NEGR1: variants seen among roughly 807,000 people sequenced by gnomAD.
The protein encoded by NEGR1 is neuronal growth regulator 1, also known as IgLON family member 4.
In NEGR1, 10 loss-of-function variants were observed where a neutral mutation model predicts 40.9. The observed-to-expected ratio is 0.24, with a 90% CI of 0.15 to 0.42. The LOEUF (loss-of-function observed/expected upper bound fraction) is 0.42, where lower values mean the gene tolerates loss of function less well. NEGR1 is among the 10% of genes least tolerant of loss of function. NEGR1 has a pLI of 1.00. For synonymous variants in NEGR1, 185 were observed against 166.8 expected (o/e 1.11, Z -0.84); for missense variants, 352 against 438.9 (o/e 0.80, Z 1.77).
chr1:71,404,468 C>G lies in NEGR1; in HGVS notation c.*2978G>C, dbSNP rs2101252632. The G allele has an allele frequency of 1.3e-5, 2 of 152,108 alleles. No individual in the cohort carries two copies. The highest frequency in any genetic ancestry group is 3.4e-3 in the Middle Eastern group (1 of 298). 9.4% of individuals were successfully genotyped at this position (152,108 alleles called of 1,614,324 possible). On this transcript the variant is annotated 3_prime_UTR_variant, in exon 7 of 7. Coordinates refer to ENST00000357731, the MANE Select transcript of NEGR1 (RefSeq NM_173808.3). Reference sequence around the variant, plus strand: ...CGTAGTTACACCACTTGCAGTTAAACTAAGAATGCAAATGTGTAAGTTAAC... The same window carrying G: ...CGTAGTTACACCACTTGCAGTTAAAGTAAGAATGCAAATGTGTAAGTTAAC...
intron 4 of NEGR1, among the ~76,000 whole-genome samples, chr1:71,614,839 G>A (rs778388447): frequency 2.0e-5 from 3 of 152,170 alleles, no homozygotes; most frequent in Admixed American, 2.0e-4. Context: ...GCAGTACAGT[G>A]TACATACGGC....
intron 1 of NEGR1, among the ~76,000 whole-genome samples, chr1:72,201,515 T>C (rs1653208776): frequency 6.6e-6 from 1 of 151,852 alleles, no homozygotes; most frequent in African/African-American, 2.4e-5. Flanking sequence ...ACAATGCACG[T>C]AACTCAAGTA....
chr1:72,032,602 TAAAG>T (rs1646868259), intron 1 of NEGR1, among the ~76,000 whole-genome samples: 2 of 152,194 alleles, frequency 1.3e-5, no homozygotes, highest in African/African-American at 4.8e-5. Context: ...ACACTCAAAA[TAAAG>T]AAGCCATTTC....
chr1:72,062,156 T>C (rs890856440), intron 1 of NEGR1, among the ~76,000 whole-genome samples: 10 of 152,052 alleles, frequency 6.6e-5, no homozygotes, highest in African/African-American at 2.2e-4. Flanking sequence ...TCTGTGTGTA[T>C]GGCTATACCT....
intron 4 of NEGR1, among the ~76,000 whole-genome samples, chr1:71,682,589 T>G (rs1221517452): frequency 6.6e-6 from 1 of 152,218 alleles, no homozygotes; most frequent in East Asian, 1.9e-4. Context: ...ATTTCACCTA[T>G]TTGGGACAAC....
intron 3 of NEGR1, among the ~76,000 whole-genome samples, chr1:71,702,130 G>C (rs1653719297): frequency 1.3e-5 from 2 of 152,022 alleles, no homozygotes; most frequent in South Asian, 2.1e-4. Context: ...ATCCAGCAGA[G>C]AGCACTGAAG....
At chr1:71,978,693 A>G (rs1439986887) in intron 1 of NEGR1, among the ~76,000 whole-genome samples, 1 of 152,186 alleles carries the variant, frequency 6.6e-6, no homozygotes, top group Non-Finnish European at 1.5e-5. Flanking sequence ...TATTATTAAA[A>G]AATCAAAAAT....
At chr1:71,780,205 C>T (rs376905471) in intron 2 of NEGR1, among the ~76,000 whole-genome samples, 1 of 152,090 alleles carries the variant, frequency 6.6e-6, no homozygotes, top group African/African-American at 2.4e-5. Context: ...TGTATTTAAT[C>T]AATTCAACAA....
intron 2 of NEGR1, 70 bp downstream of exon 2, chr1:71,935,009 T>C: frequency 1.1e-6 from 1 of 885,112 alleles, no homozygotes; most frequent in Non-Finnish European, 1.8e-6. Context: ...TTCCTAGTCA[T>C]TTTGATACCT....
At chr1:71,491,132 G>C (rs1646924875) in intron 6 of NEGR1, among the ~76,000 whole-genome samples, 1 of 151,872 alleles carries the variant, frequency 6.6e-6, no homozygotes, top group African/African-American at 2.4e-5. Context: ...AATTGCACCT[G>C]TACTAAACAT....
Position 71,950,906 on chromosome 1 carries a change from G to A in NEGR1, c.177-15595C>T, listed in dbSNP as rs912056666. ...TGCATCTTTTCTGTCTCTCTACTTG[G>A]ACTCTCTAATTATGAACCTTTGAAA... On this transcript the variant is annotated intron_variant, in intron 1 of 6. Coordinates refer to ENST00000357731, the MANE Select transcript of NEGR1 (RefSeq NM_173808.3). Among the ~76,000 whole-genome samples the A allele has an allele frequency of 3.3e-5, 5 of 151,804 alleles. No individual in the cohort carries two copies. In the East Asian group the frequency reaches 9.7e-4, roughly 29 times the overall value.
chr1:71,716,923 T>G (rs1005854263), intron 3 of NEGR1, among the ~76,000 whole-genome samples: 1 of 152,186 alleles, frequency 6.6e-6, no homozygotes, highest in Non-Finnish European at 1.5e-5. Flanking sequence ...TAACATATTA[T>G]TTATTAAACT....
At chr1:71,618,045 G>A (rs569244306) in intron 4 of NEGR1, among the ~76,000 whole-genome samples, 1 of 152,156 alleles carries the variant, frequency 6.6e-6, no homozygotes, top group Non-Finnish European at 1.5e-5. Context: ...CAGATAAAGT[G>A]GCTGCATTCA....
intron 6 of NEGR1, among the ~76,000 whole-genome samples, chr1:71,559,606 C>G (rs1298958611): frequency 1.3e-5 from 2 of 151,412 alleles, no homozygotes; most frequent in Non-Finnish European, 3.0e-5. Context: ...TTCTTTCACC[C>G]CAAAAGTTCC....
intron 2 of NEGR1, among the ~76,000 whole-genome samples, chr1:71,831,374 C>CTAG (rs2101790620): frequency 6.6e-6 from 1 of 151,964 alleles, no homozygotes; most frequent in South Asian, 2.1e-4. Context: ...AAAAGCTACC[C>CTAG]TAGTTTGGGG....
intron 1 of NEGR1, among the ~76,000 whole-genome samples, chr1:72,162,678 T>G (rs1364189413): frequency 1.3e-5 from 2 of 151,900 alleles, no homozygotes; most frequent in African/African-American, 4.8e-5. Context: ...TTATTGAAAA[T>G]ACATGAAACA....
At chr1:71,623,587 G>A (rs1029672164) in intron 4 of NEGR1, among the ~76,000 whole-genome samples, 1 of 149,892 alleles carries the variant, frequency 6.7e-6, no homozygotes, top group Non-Finnish European at 1.5e-5. Context: ...CATAGTTTTG[G>A]ACACTTCTAT....
At chr1:71,795,020 A>C (rs555762357) in intron 2 of NEGR1, among the ~76,000 whole-genome samples, 1 of 152,214 alleles carries the variant, frequency 6.6e-6, no homozygotes, top group South Asian at 2.1e-4. Context: ...TAGGCAGAAA[A>C]ATTTAAATTA....
intron 1 of NEGR1, among the ~76,000 whole-genome samples, chr1:72,020,271 C>T (rs1475803259): frequency 6.6e-6 from 1 of 152,082 alleles, no homozygotes; most frequent in African/African-American, 2.4e-5. Flanking sequence ...TGAACACTTG[C>T]TTATCTGGAG....
Sources: allele counts gnomAD v4.1 joint callset (sites outside exome capture counted in the v4.1 genomes callset), GRCh38; gene constraint gnomAD v4.1.1; transcripts MANE v1.5; gene names NCBI Gene and HGNC (gene_info 2026-07-23, HGNC 2026-07-21).